DENND1A: variants seen among roughly 807,000 people sequenced by gnomAD.
DENND1A encodes DENN domain-containing protein 1A.
A neutral mutation model predicts 113.7 loss-of-function variants in DENND1A; 51 were observed. That is an observed-to-expected ratio of 0.45 (90% CI 0.36 to 0.57). The LOEUF is 0.57. DENND1A is among the 20% of genes least tolerant of loss of function. The probability of loss-of-function intolerance (pLI) is 0.00; values close to 1 mark genes in which losing one functional copy is unlikely to be tolerated. For missense variants in DENND1A, 1,258 were observed against 1,395.9 expected (o/e 0.90, Z 1.57); for synonymous variants, 565 against 570.8 (o/e 0.99, Z 0.14).
At chr9:123,484,877 C>T (rs573173285) in intron 13 of DENND1A, among the ~76,000 whole-genome samples, 35 of 152,328 alleles carry the variant, frequency 2.3e-4, no homozygotes, top group Non-Finnish European at 4.4e-4. Context: ...CTCCTCACAC[C>T]CTCCCTAGCT....
At chr9:123,905,994 T>G (rs879740376) in intron 1 of DENND1A, among the ~76,000 whole-genome samples, 2,287 of 151,640 alleles carry the variant, frequency 0.015, 62 homozygotes, top group African/African-American at 0.053. Context: ...GAACAGAGAT[T>G]ATAACAAACT....
intron 11 of DENND1A, among the ~76,000 whole-genome samples, chr9:123,607,158 T>C (rs1418962432): frequency 6.6e-6 from 1 of 152,136 alleles, no homozygotes; most frequent in Admixed American, 6.5e-5. Context: ...GTTGTGACTA[T>C]GCACTGAACT....
chr9:123,858,868 C>T (rs189288551), intron 2 of DENND1A, among the ~76,000 whole-genome samples: 3 of 151,866 alleles, frequency 2.0e-5, no homozygotes, highest in East Asian at 3.9e-4. Flanking sequence ...ACATGTAAAC[C>T]GAGGGTGTAA....
At chr9:123,404,079 G>T (rs1389868981) in intron 20 of DENND1A, among the ~76,000 whole-genome samples, 2 of 152,212 alleles carry the variant, frequency 1.3e-5, no homozygotes, top group African/African-American at 4.8e-5. Flanking sequence ...CCTGGATGCT[G>T]CCCATCTTGT....
chr9:123,597,315 G>A lies in DENND1A; in HGVS notation c.765+12121C>T, dbSNP rs141058593. ...AATCAGAGTGAACTTATCTTGCGGT[G>A]AAAAGGAACACTTTAAATTTCAGAA... is the stretch of plus-strand genomic sequence containing the variant. On this transcript the variant is annotated intron_variant, in intron 11 of 23. Transcript: ENST00000394215. Among the ~76,000 whole-genome samples, 31 of 152,298 alleles carry A rather than the reference G, an allele frequency of 2.0e-4. No individual in the cohort carries two copies. The East Asian group carries it at 3.5e-3, about 17-fold the overall frequency.
At chr9:123,633,308 C>T (rs1420474674) in intron 9 of DENND1A, among the ~76,000 whole-genome samples, 3 of 152,154 alleles carry the variant, frequency 2.0e-5, no homozygotes, top group Non-Finnish European at 4.4e-5. Context: ...TTCTCAGTGG[C>T]CCAGAACACA....
At chr9:123,675,782 T>C (rs1031536691) in intron 6 of DENND1A, among the ~76,000 whole-genome samples, 4 of 152,198 alleles carry the variant, frequency 2.6e-5, no homozygotes, top group African/African-American at 7.2e-5. Context: ...AAGGGTATCC[T>C]TTAAGAAAAC....
At chr9:123,825,748 G>A (rs1839217695) in intron 2 of DENND1A, among the ~76,000 whole-genome samples, 1 of 152,266 alleles carries the variant, frequency 6.6e-6, no homozygotes, top group Non-Finnish European at 1.5e-5. Flanking sequence ...CAGAAAGGAA[G>A]ATGTGGTTGA....
intron 10 of DENND1A, among the ~76,000 whole-genome samples, chr9:123,612,667 T>C (rs935941283): frequency 6.6e-6 from 1 of 152,218 alleles, no homozygotes; most frequent in Admixed American, 6.5e-5. Context: ...AGAGTAGACA[T>C]TAAGTTGCTT....
At chr9:123,812,062 C>T (rs111774204) in intron 2 of DENND1A, among the ~76,000 whole-genome samples, 1 of 152,166 alleles carries the variant, frequency 6.6e-6, no homozygotes, top group Non-Finnish European at 1.5e-5. Context: ...CCTTCCACCC[C>T]TTATCCCATT....
chr9:123,863,626 C>G (rs1845387560), intron 2 of DENND1A, among the ~76,000 whole-genome samples: 3 of 151,684 alleles, frequency 2.0e-5, no homozygotes, highest in Admixed American at 2.0e-4. Flanking sequence ...TTTGGTTGTA[C>G]TAAATTGTAT....
intron 18 of DENND1A, among the ~76,000 whole-genome samples, chr9:123,442,189 A>G (rs2046978104): frequency 1.3e-5 from 2 of 152,204 alleles, no homozygotes; most frequent in African/African-American, 4.8e-5. Context: ...TTTCCTAAGG[A>G]ATCAAGGCTG....
At chr9:123,558,420 G>C (rs780859066) in intron 12 of DENND1A, among the ~76,000 whole-genome samples, 8 of 152,268 alleles carry the variant, frequency 5.3e-5, no homozygotes, top group Admixed American at 1.3e-4. Flanking sequence ...GTACTCAAGA[G>C]GTTAAAACAA....
At chr9:123,799,478 G>GT (rs1432497893) in intron 2 of DENND1A, among the ~76,000 whole-genome samples, 2 of 152,134 alleles carry the variant, frequency 1.3e-5, no homozygotes, top group Non-Finnish European at 2.9e-5. Flanking sequence ...ATGGGGCTTG[G>GT]TAAGTGTGAT....
rs764535042 is a variant in DENND1A at position 123,381,598 on chromosome 9, G to C, written c.3047C>G (p.Pro1016Arg). ...GDPPLLPPRP[P>R]QGLEPTLQPS... Reference sequence around the variant, plus strand: ...CTGCAGTGTTGGCTCCAGGCCTTGAGGGGGCCTGGGAGGCAGAAGCGGGGG... The same window carrying C: ...CTGCAGTGTTGGCTCCAGGCCTTGACGGGGCCTGGGAGGCAGAAGCGGGGG... Residue 1016 changes from proline to arginine, a missense_variant, in exon 24 of 24, where the codon CCT becomes CGT. This residue lies in a region of DENND1A where 1,159 missense variants were observed against 1,231.7 expected (regional missense o/e 0.94). Coordinates refer to ENST00000394215, the MANE Select transcript of DENND1A (RefSeq NM_001352964.2). This position sits in a 1 kb window ranked among gnomAD's most constrained non-coding sequence, Gnocchi z 4.7. The C allele has an allele frequency of 1.2e-6, 2 of 1,613,302 alleles. No individual in the cohort carries two copies. Among genetic ancestry groups the C allele is most frequent in the South Asian group, 1.1e-5 (1 of 91,088 alleles).
chr9:123,483,492 T>C (rs1355480190), intron 13 of DENND1A, among the ~76,000 whole-genome samples: 2 of 152,230 alleles, frequency 1.3e-5, no homozygotes, highest in African/African-American at 2.4e-5. Flanking sequence ...AGACAGTCTC[T>C]ATCCAGAACA....
intron 21 of DENND1A, 126 bp from the exon 22 acceptor site, chr9:123,387,984 G>A (rs1057168798): frequency 6.0e-6 from 6 of 1,005,278 alleles, no homozygotes; most frequent in Non-Finnish European, 7.8e-6. Context: ...CCAGCCTGGG[G>A]TGGGGGCTCT....
intron 13 of DENND1A, among the ~76,000 whole-genome samples, chr9:123,474,348 C>A (rs551642400): frequency 3.3e-5 from 5 of 152,248 alleles, no homozygotes; most frequent in African/African-American, 1.2e-4. Flanking sequence ...TACAGAAGAA[C>A]CCTGACAATT....
chr9:123,835,670 A>T (rs544274588), intron 2 of DENND1A, among the ~76,000 whole-genome samples: 1 of 151,904 alleles, frequency 6.6e-6, no homozygotes, highest in Non-Finnish European at 1.5e-5. Context: ...GAAAAAAAAA[A>T]AAAAAAGAAA....
Sources: allele counts gnomAD v4.1 joint callset (sites outside exome capture counted in the v4.1 genomes callset), GRCh38; gene constraint gnomAD v4.1.1; regional missense constraint gnomAD v4.1.1; non-coding constraint Gnocchi (gnomAD v3.1); transcripts MANE v1.5; gene names NCBI Gene and HGNC (gene_info 2026-07-23, HGNC 2026-07-21).